The following CADM2 variants were observed in gnomAD, a reference collection of about 807,000 sequenced individuals.
CADM2 encodes the protein immunoglobulin superfamily member 4D.
A neutral mutation model predicts 49.8 loss-of-function variants in CADM2; 12 were observed. The observed-to-expected ratio is 0.24, with a 90% CI of 0.15 to 0.39. CADM2 has a LOEUF of 0.39. CADM2 is among the 10% of genes least tolerant of loss of function. The probability of loss-of-function intolerance (pLI) is 1.00; values close to 1 mark genes in which losing one functional copy is unlikely to be tolerated. For synonymous variants in CADM2, 214 were observed against 175.4 expected, an observed-to-expected ratio of 1.22 and a Z score of -1.74; for missense variants, 378 against 492.3, an observed-to-expected ratio of 0.77 and a Z score of 2.20.
intron 1 of CADM2, among the ~76,000 whole-genome samples, chr3:84,987,780 C>T (rs577762253): frequency 6.6e-6 from 1 of 152,268 alleles, no homozygotes; most frequent in Non-Finnish European, 1.5e-5. Flanking sequence ...TTGTTTATGC[C>T]TAGCCCAGCT....
intron 8 of CADM2, among the ~76,000 whole-genome samples, chr3:86,052,800 T>A (rs1246013922): frequency 6.6e-6 from 1 of 152,124 alleles, no homozygotes; most frequent in African/African-American, 2.4e-5. Flanking sequence ...TATGCTTAAA[T>A]AGAAAGATTA....
intron 1 of CADM2, among the ~76,000 whole-genome samples, chr3:84,980,806 T>G (rs2032130044): frequency 6.6e-6 from 1 of 152,080 alleles, no homozygotes; most frequent in Non-Finnish European, 1.5e-5. Context: ...TAAGTTAACA[T>G]GGTAAAATGG....
In CADM2 at chr3:85,209,206, T is replaced by C. The variant is rs1576122811; in HGVS notation, c.61+249538T>C. 2.6e-5 allele frequency among the ~76,000 whole-genome samples: 4 copies of C among 152,170 alleles called. No homozygotes were observed. In the East Asian group the frequency reaches 7.7e-4, roughly 29 times the overall value. ...TTATTCTTCAAAAAGATATTTAAGA[T>C]CTACAATTTTAGGCTTCTCAAGTAG... On this transcript the variant is annotated intron_variant, in intron 1 of 9. Transcript: ENST00000383699.
At chr3:85,973,387 A>G (rs748674626) in intron 8 of CADM2, among the ~76,000 whole-genome samples, 1 of 151,770 alleles carries the variant, frequency 6.6e-6, no homozygotes, top group Non-Finnish European at 1.5e-5. Context: ...TTTAAAACAG[A>G]CAAACAAAAA....
chr3:85,784,183 T>C (rs1186081550), intron 2 of CADM2, among the ~76,000 whole-genome samples: 4 of 152,232 alleles, frequency 2.6e-5, no homozygotes, highest in East Asian at 1.9e-4. Flanking sequence ...TTTCCTGCAG[T>C]TGTCCTCTGT....
At chr3:85,966,956 G>T (rs912016730) in intron 8 of CADM2, among the ~76,000 whole-genome samples, 5 of 151,626 alleles carry the variant, frequency 3.3e-5, no homozygotes, top group Non-Finnish European at 5.9e-5. Flanking sequence ...TTTTAATAGA[G>T]AATATTACTG....
intron 2 of CADM2, among the ~76,000 whole-genome samples, chr3:85,755,569 G>A (rs1357974343): frequency 6.6e-6 from 1 of 152,114 alleles, no homozygotes; most frequent in Non-Finnish European, 1.5e-5. Flanking sequence ...AAAGAAAAAA[G>A]TTTAATTGGT....
At chr3:86,043,682 A>C (rs1736252849) in intron 8 of CADM2, among the ~76,000 whole-genome samples, 1 of 152,198 alleles carries the variant, frequency 6.6e-6, no homozygotes, top group African/African-American at 2.4e-5. Flanking sequence ...GCTACCAATG[A>C]CTTTCTTCAC....
intron 1 of CADM2, among the ~76,000 whole-genome samples, chr3:85,550,692 C>A (rs1461469237): frequency 5.9e-5 from 9 of 152,170 alleles, no homozygotes; most frequent in African/African-American, 2.2e-4. Context: ...AAACCCTATT[C>A]TCACCAAAAT....
intron 1 of CADM2, among the ~76,000 whole-genome samples, chr3:85,455,793 C>T (rs2037963753): frequency 6.6e-6 from 1 of 152,078 alleles, no homozygotes; most frequent in African/African-American, 2.4e-5. Context: ...AAGCCTCAAA[C>T]AATTATGTGA....
At chr3:86,061,637 A>G (rs1309276613) in intron 8 of CADM2, among the ~76,000 whole-genome samples, 1 of 152,192 alleles carries the variant, frequency 6.6e-6, no homozygotes, top group Non-Finnish European at 1.5e-5. Context: ...GTGTCATAAC[A>G]TAATAATTTA....
chr3:85,885,215 A>G (rs927460152), intron 4 of CADM2, among the ~76,000 whole-genome samples: 2 of 151,984 alleles, frequency 1.3e-5, no homozygotes, highest in African/African-American at 4.8e-5. Flanking sequence ...TGTTTTTAAG[A>G]TTTACAAGAG....
intron 2 of CADM2, among the ~76,000 whole-genome samples, chr3:85,756,951 A>G (rs2069151077): frequency 6.6e-6 from 1 of 152,144 alleles, no homozygotes; most frequent in African/African-American, 2.4e-5. Flanking sequence ...ATGGTTTAAT[A>G]AAAATATCAT....
At chr3:85,597,122 T>G (rs886065614) in intron 1 of CADM2, among the ~76,000 whole-genome samples, 1 of 152,078 alleles carries the variant, frequency 6.6e-6, no homozygotes, top group Non-Finnish European at 1.5e-5. Context: ...GTAGTATATG[T>G]GATATTGTAA....
intron 1 of CADM2, among the ~76,000 whole-genome samples, chr3:85,242,153 C>A (rs1227091098): frequency 6.7e-6 from 1 of 150,074 alleles, no homozygotes; most frequent in African/African-American, 2.4e-5. Flanking sequence ...ATGAACTTTT[C>A]TGGTATAAAA....
chr3:86,025,611 G>A (rs1310983676), intron 8 of CADM2, among the ~76,000 whole-genome samples: 2 of 151,982 alleles, frequency 1.3e-5, no homozygotes, highest in Non-Finnish European at 2.9e-5. Context: ...GCAGACCTTG[G>A]GATAAGGTGG....
intron 1 of CADM2, among the ~76,000 whole-genome samples, chr3:85,074,608 T>C (rs1361644846): frequency 1.3e-5 from 2 of 152,134 alleles, no homozygotes; most frequent in African/African-American, 2.4e-5. Flanking sequence ...AATAATTAAA[T>C]AGCTTCCTAC....
intron 6 of CADM2, among the ~76,000 whole-genome samples, chr3:85,931,568 A>T (rs1720593997): frequency 6.6e-6 from 1 of 152,220 alleles, no homozygotes; most frequent in Non-Finnish European, 1.5e-5. Context: ...AGAACATTAC[A>T]CAAAGGTGAA....
intron 6 of CADM2, among the ~76,000 whole-genome samples, chr3:85,933,043 C>G (rs1720792332): frequency 6.6e-6 from 1 of 152,126 alleles, no homozygotes; most frequent in Admixed American, 6.6e-5. Flanking sequence ...ACTAAACAGG[C>G]AGAGCAAAGC....
Sources: allele counts gnomAD v4.1 joint callset (sites outside exome capture counted in the v4.1 genomes callset), GRCh38; gene constraint gnomAD v4.1.1; transcripts MANE v1.5; gene names NCBI Gene and HGNC (gene_info 2026-07-23, HGNC 2026-07-21).